Variants in PRKAR1A observed in about 807,000 individuals in gnomAD.
The protein encoded by PRKAR1A is cAMP-dependent protein kinase type I-alpha regulatory subunit.
PRKAR1A carries 3 observed loss-of-function variants against 52.0 expected under a neutral mutation model. The observed-to-expected ratio is 0.06, with a 90% CI of 0.03 to 0.15. The LOEUF is 0.15. Among genes scored for constraint, PRKAR1A ranks in the 10% least tolerant of loss-of-function variants. PRKAR1A has a pLI of 1.00. For synonymous variants in PRKAR1A, 188 were observed against 168.4 expected, an observed-to-expected ratio of 1.12 and a Z score of -0.90; for missense variants, 240 against 477.4, an observed-to-expected ratio of 0.50 and a Z score of 4.63.
At chr17:68,508,695 A>G (rs2085226907), upstream of PRKAR1A, among the ~76,000 whole-genome samples, 1 of 152,198 alleles carries the variant, frequency 6.6e-6, no homozygotes, top group Non-Finnish European at 1.5e-5. Context: ...ATAAGTAAAT[A>G]TGCTATTTTT....
chr17:68,539,282 G>A, intron 11 of PRKAR1A: 1 of 1,584,552 alleles, frequency 6.3e-7, no homozygotes, highest in Admixed American at 1.7e-5. Flanking sequence ...GCTGCAAGCA[G>A]CATGAAGGGT....
chr17:68,428,828 C>T, the PRKAR1A span: 1 of 1,611,142 alleles, frequency 6.2e-7, no homozygotes, highest in Non-Finnish European at 8.5e-7. Context: ...AGTCTCTTCA[C>T]CTGTGGGTTT....
the PRKAR1A span, among the ~76,000 whole-genome samples, chr17:68,502,261 C>A: frequency 6.6e-6 from 1 of 152,076 alleles, no homozygotes; most frequent in Non-Finnish European, 1.5e-5. Context: ...ACTTCTAAGG[C>A]AGGGGTTGGT....
chr17:68,451,922 C>G, the PRKAR1A span, among the ~76,000 whole-genome samples: 2 of 152,164 alleles, frequency 1.3e-5, no homozygotes, highest in Admixed American at 1.3e-4. Flanking sequence ...GGAAAAGGCC[C>G]ACAGGGAACA....
chr17:68,427,358 G>A, the PRKAR1A span: 1 of 859,560 alleles, frequency 1.2e-6, no homozygotes, highest in East Asian at 2.5e-5. Context: ...AGCTCTGTGG[G>A]TTATTTATTT....
chr17:68,439,426 G>C, the PRKAR1A span, among the ~76,000 whole-genome samples: 1 of 152,074 alleles, frequency 6.6e-6, no homozygotes, highest in African/African-American at 2.4e-5. Flanking sequence ...CCAGAATAGA[G>C]AAATCCATAA....
At chr17:68,543,671 A>AATTTTC in intron 11 of PRKAR1A, 1 of 1,614,130 alleles carries the variant, frequency 6.2e-7, no homozygotes, top group Non-Finnish European at 8.5e-7. Flanking sequence ...GTGTCTCTGA[A>AATTTTC]AGTCAATGAA....
the PRKAR1A span, among the ~76,000 whole-genome samples, chr17:68,477,253 C>T: frequency 6.6e-6 from 1 of 152,180 alleles, no homozygotes; most frequent in Non-Finnish European, 1.5e-5. Context: ...TCATCCTTCC[C>T]TCCATCACTT....
intron 11 of PRKAR1A, chr17:68,541,904 G>C (rs2086314041): frequency 6.6e-7 from 1 of 1,504,256 alleles, no homozygotes; most frequent in Non-Finnish European, 9.0e-7. Context: ...AGATTCAAAA[G>C]CCAAGCTAGC....
the PRKAR1A span, chr17:68,428,202 A>G: frequency 1.3e-5 from 2 of 148,402 alleles, no homozygotes. Flanking sequence ...CTGGTAGAGC[A>G]CTTTTCAATT....
rs937656859 is a variant in PRKAR1A, at chr17:68,530,914, T to A, written c.*465T>A. 2 of 1,114,556 alleles carry A rather than the reference T, an allele frequency of 1.8e-6. No homozygotes were observed. The highest frequency in any genetic ancestry group is 2.2e-6 in the Non-Finnish European group (2 of 907,486). The allele number at this position is 1,114,556 out of a possible 1,614,324, so 69.0% of individuals were successfully genotyped here. ...ATTAAACTCTAAAGATTAGGGAAAA[T>A]GGATATAGAAAATCTTAGTATAGTA... On this transcript the variant is annotated 3_prime_UTR_variant, in exon 11 of 11. Coordinates refer to ENST00000589228, the MANE Select transcript of PRKAR1A (RefSeq NM_002734.5).
At chr17:68,537,628 T>A, downstream of PRKAR1A, 1 of 1,613,764 alleles carries the variant, frequency 6.2e-7, no homozygotes, top group South Asian at 1.1e-5. This position sits in a 1 kb window ranked among gnomAD's most constrained non-coding sequence, Gnocchi z 4.2. Flanking sequence ...GAGGTGGGGT[T>A]CAGTGAGGAC....
At chr17:68,478,334 C>T in the PRKAR1A span, among the ~76,000 whole-genome samples, 5 of 152,042 alleles carry the variant, frequency 3.3e-5, no homozygotes, top group Non-Finnish European at 5.9e-5. Flanking sequence ...CGCCTGTAGT[C>T]CCAGCTACTC....
chr17:68,545,687 T>C (rs2086522561), intron 11 of PRKAR1A, among the ~76,000 whole-genome samples: 1 of 152,226 alleles, frequency 6.6e-6, no homozygotes, highest in Admixed American at 6.5e-5. Flanking sequence ...TGCTGTTTGA[T>C]AGCATTTTAC....
the PRKAR1A span, among the ~76,000 whole-genome samples, chr17:68,436,695 G>A: frequency 6.6e-6 from 1 of 152,166 alleles, no homozygotes; most frequent in African/African-American, 2.4e-5. Flanking sequence ...CACTGGCTGC[G>A]TCCTTGCTAC....
the PRKAR1A span, among the ~76,000 whole-genome samples, chr17:68,440,285 C>A: frequency 2.0e-5 from 3 of 152,208 alleles, no homozygotes; most frequent in Non-Finnish European, 4.4e-5. Flanking sequence ...AAAAATCCAA[C>A]GAGCCACACG....
chr17:68,455,601 G>C, the PRKAR1A span, among the ~76,000 whole-genome samples: 1 of 152,176 alleles, frequency 6.6e-6, no homozygotes, highest in Non-Finnish European at 1.5e-5. Flanking sequence ...GCAACTGACT[G>C]TGACAAGAAC....
the PRKAR1A span, among the ~76,000 whole-genome samples, chr17:68,441,351 T>C: frequency 2.9e-4 from 44 of 152,350 alleles, no homozygotes; most frequent in African/African-American, 1.0e-3. Context: ...TCTGTATAGC[T>C]AATTTACTTG....
chr17:68,509,761 CG>C (rs905703538), upstream of PRKAR1A, among the ~76,000 whole-genome samples: 1 of 152,210 alleles, frequency 6.6e-6, no homozygotes, highest in African/African-American at 2.4e-5. Context: ...GAACTTTCCC[CG>C]GGCTCAACTG....
Sources: allele counts gnomAD v4.1 joint callset (sites outside exome capture counted in the v4.1 genomes callset), GRCh38; gene constraint gnomAD v4.1.1; non-coding constraint Gnocchi (gnomAD v3.1); transcripts MANE v1.5; gene names NCBI Gene and HGNC (gene_info 2026-07-23, HGNC 2026-07-21).